Variants in TMEM117 observed in about 807,000 individuals in gnomAD.
TMEM117 encodes the protein transmembrane protein 117.
TMEM117 carries 27 observed loss-of-function variants against 52.4 expected under a neutral mutation model. That is an observed-to-expected ratio of 0.51 (90% CI 0.38 to 0.71). The LOEUF is 0.71. TMEM117 is among the 30% of genes least tolerant of loss of function. The pLI is 0.00. For synonymous variants in TMEM117, 215 were observed against 206.3 expected (o/e 1.04, Z -0.36); for missense variants, 556 against 630.5 (o/e 0.88, Z 1.26).
chr12:44,227,200 C>T (rs1360959332), intron 5 of TMEM117, among the ~76,000 whole-genome samples: 2 of 152,080 alleles, frequency 1.3e-5, no homozygotes, highest in African/African-American at 4.8e-5. Context: ...TTATTATTTG[C>T]AGTCATGAAA....
intron 4 of TMEM117, among the ~76,000 whole-genome samples, chr12:44,195,657 A>C (rs1461395298): frequency 1.3e-5 from 2 of 152,236 alleles, no homozygotes; most frequent in East Asian, 3.9e-4. Context: ...TAGACTTTTG[A>C]CAGGAAACAA....
At chr12:43,898,957 C>T (rs1675786) in intron 2 of TMEM117, among the ~76,000 whole-genome samples, 126,398 of 152,162 alleles carry the variant, frequency 0.83, 54,621 homozygotes, top group East Asian at 0.94. Context: ...CATTTTCTAG[C>T]TGGGATGGAG....
upstream of TMEM117, among the ~76,000 whole-genome samples, chr12:43,835,480 A>G (rs909422677): frequency 1.0e-4 from 15 of 150,282 alleles, no homozygotes; most frequent in African/African-American, 3.2e-4. Context: ...ATGTGTGCAT[A>G]TGTGTGTGTG....
the TMEM117 span, among the ~76,000 whole-genome samples, chr12:43,829,283 C>T: frequency 1.3e-5 from 2 of 152,170 alleles, no homozygotes; most frequent in South Asian, 4.1e-4. Flanking sequence ...ATGCATTTAG[C>T]CCCGATCATC....
chr12:44,036,567 T>C (rs1946713572), intron 3 of TMEM117, among the ~76,000 whole-genome samples: 1 of 152,256 alleles, frequency 6.6e-6, no homozygotes, highest in Non-Finnish European at 1.5e-5. Flanking sequence ...TGTTTATCAC[T>C]AAGGTATTTG....
At chr12:43,906,073 C>G (rs1944381542) in intron 2 of TMEM117, among the ~76,000 whole-genome samples, 1 of 152,252 alleles carries the variant, frequency 6.6e-6, no homozygotes, top group Admixed American at 6.5e-5. Flanking sequence ...CTATAAAATA[C>G]TTTTTAAACT....
At chr12:44,367,267 C>T (rs1373510331) in intron 6 of TMEM117, among the ~76,000 whole-genome samples, 3 of 152,082 alleles carry the variant, frequency 2.0e-5, no homozygotes, top group African/African-American at 7.2e-5. Flanking sequence ...TCTAATCAGG[C>T]CTTTGTCCCC....
chr12:43,835,784 G>C (rs1322741123), upstream of TMEM117, among the ~76,000 whole-genome samples: 2 of 151,898 alleles, frequency 1.3e-5, no homozygotes, highest in Admixed American at 6.6e-5. Context: ...GGGCCGGCCC[G>C]GGCAGGCTCG....
intron 5 of TMEM117, among the ~76,000 whole-genome samples, chr12:44,298,444 A>G (rs1285982910): frequency 6.7e-6 from 1 of 150,196 alleles, no homozygotes; most frequent in Non-Finnish European, 1.5e-5. Context: ...ATAATTCTAA[A>G]CAATATCTAG....
Position 44,370,880 on chromosome 12 carries a change from A to G in TMEM117, c.769-5715A>G, listed in dbSNP as rs535575748. Among the ~76,000 whole-genome samples the G allele has an allele frequency of 8.5e-5, 13 of 152,276 alleles. No homozygotes were observed. In the East Asian group the frequency reaches 2.3e-3, roughly 27 times the overall value. On this transcript the variant is annotated intron_variant, in intron 6 of 7. Transcript: ENST00000266534. ...TTTGAGTTCTTACTATATACTGAGC[A>G]TTATTTCAGCCATAGAAAATTCAGC...
intron 3 of TMEM117, among the ~76,000 whole-genome samples, chr12:44,020,791 G>C (rs1214340589): frequency 6.6e-6 from 1 of 152,166 alleles, no homozygotes; most frequent in Non-Finnish European, 1.5e-5. Context: ...ACGTCATTTG[G>C]AGAACATGCT....
intron 2 of TMEM117, among the ~76,000 whole-genome samples, chr12:43,916,623 C>T (rs1270623698): frequency 6.6e-6 from 1 of 152,070 alleles, no homozygotes; most frequent in Non-Finnish European, 1.5e-5. Flanking sequence ...ACGTCTTAGT[C>T]CATAGATCTT....
At chr12:44,168,286 A>G (rs1002766607) in intron 4 of TMEM117, among the ~76,000 whole-genome samples, 2 of 151,816 alleles carry the variant, frequency 1.3e-5, no homozygotes, top group Non-Finnish European at 2.9e-5. Context: ...CTGGATCTGT[A>G]GGATTGATGG....
chr12:44,149,972 G>A (rs1393556243), intron 4 of TMEM117, among the ~76,000 whole-genome samples: 2 of 152,180 alleles, frequency 1.3e-5, no homozygotes, highest in Non-Finnish European at 2.9e-5. Flanking sequence ...AGAAATGGAA[G>A]GGTGCAAACC....
At chr12:43,884,380 AATTC>A (rs1467824383) in intron 2 of TMEM117, among the ~76,000 whole-genome samples, 1 of 152,124 alleles carries the variant, frequency 6.6e-6, no homozygotes, top group Admixed American at 6.5e-5. Context: ...GGAATAAAAA[AATTC>A]ATTCAAACTC....
chr12:44,124,474 TTGTGCCAG>T (rs1401456694), intron 3 of TMEM117, among the ~76,000 whole-genome samples: 2 of 152,234 alleles, frequency 1.3e-5, no homozygotes, highest in Non-Finnish European at 2.9e-5. Context: ...CAACCTTGTC[TTGTGCCAG>T]TTTTCAAGGG....
chr12:43,830,500 C>A, the TMEM117 span, among the ~76,000 whole-genome samples: 5 of 151,642 alleles, frequency 3.3e-5, no homozygotes, highest in Admixed American at 6.6e-5. Flanking sequence ...ATCGCAGCTA[C>A]TCAGGAGGCT....
intron 4 of TMEM117, among the ~76,000 whole-genome samples, chr12:44,194,392 TG>T (rs1254588854): frequency 6.6e-6 from 1 of 152,190 alleles, no homozygotes; most frequent in African/African-American, 2.4e-5. Context: ...AGTAGAATGG[TG>T]ATATTGATTA....
chr12:43,850,866 ATGATGG>A (rs1393077398), intron 2 of TMEM117, among the ~76,000 whole-genome samples: 8 of 151,452 alleles, frequency 5.3e-5, no homozygotes, highest in Middle Eastern at 3.4e-3. Context: ...ATAGGTGATG[ATGATGG>A]TGATGATGAT....
Sources: allele counts gnomAD v4.1 joint callset (sites outside exome capture counted in the v4.1 genomes callset), GRCh38; gene constraint gnomAD v4.1.1; transcripts MANE v1.5; gene names NCBI Gene and HGNC (gene_info 2026-07-23, HGNC 2026-07-21).